CHM: variants seen among roughly 807,000 people sequenced by gnomAD.
CHM encodes CHM Rab escort protein, also known as rab proteins geranylgeranyltransferase component A 1.
In CHM, 10 loss-of-function variants were observed where a neutral mutation model predicts 49.0. That is an observed-to-expected ratio of 0.20 (90% CI 0.13 to 0.35). The LOEUF is 0.35. Among genes scored for constraint, CHM ranks in the 10% least tolerant of loss-of-function variants. The pLI is 1.00. For missense variants in CHM, 455 were observed against 478.4 expected (o/e 0.95, Z 0.46); for synonymous variants, 184 against 167.5 (o/e 1.10, Z -0.76).
intron 5 of CHM, among the ~76,000 whole-genome samples, chrX:85,960,624 C>T (rs1323683437): frequency 1.8e-5 from 2 of 110,073 alleles, no homozygotes; most frequent in African/African-American, 6.6e-5. Flanking sequence ...CAGGGTTTCA[C>T]CATGTTGGTC....
At position 85,959,535 on chromosome X, in the gene CHM, T is replaced by C. The variant is rs1603263372; in HGVS notation, c.703-558A>G. Among the ~76,000 whole-genome samples, 3 of 111,623 alleles carry C rather than the reference T, an allele frequency of 2.7e-5. No individual in the cohort carries two copies. In the East Asian group the frequency reaches 8.4e-4, roughly 31 times the overall value. On this transcript the variant is annotated intron_variant, in intron 5 of 14. Coordinates refer to ENST00000357749, the MANE Select transcript of CHM (RefSeq NM_000390.4). ...AAGAAAAAAATATTTGTGATGCATT[T>C]ACACTGAAAAAGTCAAATTATAAGG...
chrX:85,894,115 C>T (rs1925657553), intron 12 of CHM, 73 bp downstream of exon 12: 2 of 734,014 alleles, frequency 2.7e-6, no homozygotes, highest in South Asian at 4.3e-5. Context: ...ATACAACCTT[C>T]ACAACTGTAA....
chrX:85,871,184 C>T (rs752599456), intron 14 of CHM, among the ~76,000 whole-genome samples: 21 of 102,238 alleles, frequency 2.1e-4, no homozygotes, highest in South Asian at 4.8e-4. Context: ...TGGTGGCAAG[C>T]GCCTCCCAGG....
intron 2 of CHM, among the ~76,000 whole-genome samples, chrX:86,021,401 A>T (rs1933599466): frequency 9.2e-6 from 1 of 108,508 alleles, no homozygotes; most frequent in Non-Finnish European, 1.9e-5. Context: ...TCTTTTGCAA[A>T]CATTGGTACC....
intron 1 of CHM, among the ~76,000 whole-genome samples, chrX:86,028,044 A>AGCCACT (rs1198195428): frequency 8.9e-6 from 1 of 112,299 alleles, no homozygotes; most frequent in Non-Finnish European, 1.9e-5. Flanking sequence ...TATAGGCGTG[A>AGCCACT]GCCACTGTGC....
chrX:86,015,269 T>G (rs944874864), intron 2 of CHM, among the ~76,000 whole-genome samples: 1 of 110,899 alleles, frequency 9.0e-6, no homozygotes, highest in African/African-American at 3.3e-5. Context: ...TTATCAGGGG[T>G]TTCCGCTTTT....
chrX:86,002,445 C>T (rs1419755156), intron 2 of CHM, among the ~76,000 whole-genome samples: 1 of 111,627 alleles, frequency 9.0e-6, no homozygotes, highest in African/African-American at 3.3e-5. Flanking sequence ...CCAAGATGGC[C>T]GAATAGGAAC....
intron 12 of CHM, among the ~76,000 whole-genome samples, chrX:85,893,496 A>T (rs940507211): frequency 8.9e-6 from 1 of 111,859 alleles, no homozygotes; most frequent in Non-Finnish European, 1.9e-5. Flanking sequence ...GTGTCTCCCC[A>T]CAATTCATTT....
chrX:85,924,507 T>C (rs898918462), intron 8 of CHM, among the ~76,000 whole-genome samples: 6 of 111,827 alleles, frequency 5.4e-5, no homozygotes, highest in African/African-American at 1.6e-4. Flanking sequence ...GAAAGCACTC[T>C]TACTCCACCT....
intron 8 of CHM, among the ~76,000 whole-genome samples, chrX:85,930,577 T>C (rs1384309317): frequency 1.8e-5 from 2 of 112,228 alleles, no homozygotes; most frequent in African/African-American, 6.5e-5. Flanking sequence ...CATATAAACA[T>C]ATATACTGTT....
intron 14 of CHM, among the ~76,000 whole-genome samples, chrX:85,872,336 T>G (rs1320212938): frequency 8.9e-6 from 1 of 112,200 alleles, no homozygotes; most frequent in Non-Finnish European, 1.9e-5. Context: ...CTGTTTGTTT[T>G]CGTCCTGTCC....
chrX:85,973,300 CAAAAAAAAAAA>C (rs58103002), intron 4 of CHM, among the ~76,000 whole-genome samples: 39 of 16,325 alleles, frequency 2.4e-3, no homozygotes, highest in South Asian at 0.017. Flanking sequence ...TCTGTCTCGA[CAAAAAAAAAAA>C]AAAAAAAAAA....
chrX:86,025,502 T>C (rs984736996), intron 2 of CHM, among the ~76,000 whole-genome samples: 7 of 109,444 alleles, frequency 6.4e-5, no homozygotes, highest in African/African-American at 2.3e-4. Flanking sequence ...ATAGCGAGAT[T>C]CCATCTCTAA....
chrX:85,959,450 A>G (rs1930183668), intron 5 of CHM, among the ~76,000 whole-genome samples: 1 of 111,348 alleles, frequency 9.0e-6, no homozygotes, highest in African/African-American at 3.3e-5. Flanking sequence ...ATAGTCTTAC[A>G]CAAAGCCAGG....
intron 8 of CHM, among the ~76,000 whole-genome samples, chrX:85,937,933 A>G (rs1454616479): frequency 9.0e-6 from 1 of 111,630 alleles, no homozygotes; most frequent in Non-Finnish European, 1.9e-5. Flanking sequence ...TATATAGCCA[A>G]TGTAATTCCA....
At chrX:85,991,374 G>A (rs996696419) in intron 2 of CHM, among the ~76,000 whole-genome samples, 1 of 111,369 alleles carries the variant, frequency 9.0e-6, no homozygotes, top group Non-Finnish European at 1.9e-5. Flanking sequence ...CTCTAATCCT[G>A]TCCATTACAA....
chrX:85,988,532 G>A (rs1291873359), intron 2 of CHM, among the ~76,000 whole-genome samples: 2 of 111,263 alleles, frequency 1.8e-5, no homozygotes, highest in South Asian at 3.8e-4. Flanking sequence ...GAGATAATGG[G>A]CATCCAAAAG....
At chrX:85,940,715 C>T (rs758875855) in intron 8 of CHM, among the ~76,000 whole-genome samples, 5 of 111,396 alleles carry the variant, frequency 4.5e-5, no homozygotes, top group Non-Finnish European at 7.5e-5. Context: ...CAAACATATA[C>T]GCACCATGTT....
At chrX:86,017,131 C>CTA (rs1205210875) in intron 2 of CHM, among the ~76,000 whole-genome samples, 2 of 112,506 alleles carry the variant, frequency 1.8e-5, no homozygotes, top group African/African-American at 6.5e-5. Flanking sequence ...ACCTGTACCC[C>CTA]TATTGTATCT....
Sources: allele counts gnomAD v4.1 joint callset (sites outside exome capture counted in the v4.1 genomes callset), GRCh38; gene constraint gnomAD v4.1.1; transcripts MANE v1.5; gene names NCBI Gene and HGNC (gene_info 2026-07-23, HGNC 2026-07-21).